NOS1AP: variants seen among roughly 807,000 people sequenced by gnomAD.
NOS1AP encodes the protein carboxyl-terminal PDZ ligand of neuronal nitric oxide synthase protein.
In NOS1AP, 21 loss-of-function variants were observed where a neutral mutation model predicts 56.2. That is an observed-to-expected ratio of 0.37 (90% CI 0.26 to 0.54). The LOEUF is 0.54. Among genes scored for constraint, NOS1AP ranks in the 20% least tolerant of loss-of-function variants. The pLI is 0.84. For missense variants in NOS1AP, 522 were observed against 657.8 expected, an observed-to-expected ratio of 0.79 and a Z score of 2.26; for synonymous variants, 270 against 274.6, an observed-to-expected ratio of 0.98 and a Z score of 0.17.
At chr1:162,218,750 G>C (rs1652666887) in intron 2 of NOS1AP, among the ~76,000 whole-genome samples, 1 of 152,002 alleles carries the variant, frequency 6.6e-6, no homozygotes, top group African/African-American at 2.4e-5. Context: ...GGAGTGTCCC[G>C]GGCACCCTGT....
chr1:162,220,765 C>T (rs1051814008), intron 2 of NOS1AP, among the ~76,000 whole-genome samples: 11 of 152,270 alleles, frequency 7.2e-5, no homozygotes, highest in African/African-American at 1.7e-4. Flanking sequence ...TGACATTTCA[C>T]GCACCAGCTT....
At chr1:162,335,287 G>A (rs186839276) in intron 5 of NOS1AP, among the ~76,000 whole-genome samples, 28 of 152,342 alleles carry the variant, frequency 1.8e-4, no homozygotes. Context: ...ATGCAGCTGA[G>A]GGGATTGTTT....
At chr1:162,286,985 C>A (rs1368295232) in intron 2 of NOS1AP, among the ~76,000 whole-genome samples, 6 of 152,126 alleles carry the variant, frequency 3.9e-5, no homozygotes, top group Non-Finnish European at 8.8e-5. Context: ...TTTCTGTAGC[C>A]TTTGATGAGA....
chr1:162,105,100 T>A (rs1276627802), intron 1 of NOS1AP, among the ~76,000 whole-genome samples: 1 of 152,178 alleles, frequency 6.6e-6, no homozygotes, highest in Non-Finnish European at 1.5e-5. Context: ...GGGGTCTTTT[T>A]TGTTGGTGGT....
chr1:162,248,451 C>A (rs578048273), intron 2 of NOS1AP, among the ~76,000 whole-genome samples: 1 of 152,254 alleles, frequency 6.6e-6, no homozygotes, highest in Admixed American at 6.5e-5. Flanking sequence ...CCATAATCTT[C>A]TCTCATTAGA....
intron 4 of NOS1AP, among the ~76,000 whole-genome samples, chr1:162,303,540 C>G (rs1012591817): frequency 2.6e-5 from 4 of 152,148 alleles, no homozygotes; most frequent in Non-Finnish European, 4.4e-5. Context: ...CTTCTGGGCT[C>G]GAGCAATTCC....
rs543228757 is a variant in NOS1AP, at chr1:162,069,764, C to T, written c.-414C>T. The T allele has an allele frequency of 5.6e-4, 87 of 155,272 alleles. No homozygotes were observed. The highest frequency in any genetic ancestry group is 5.7e-4 in the East Asian group (3 of 5,232). The allele number at this position is 155,272 out of a possible 1,614,324, so 9.6% of individuals were successfully genotyped here. On this transcript the variant is annotated 5_prime_UTR_variant, in exon 1 of 10. Transcript: ENST00000361897. ...CACCCTGCTCCGCCGCCACCGCCAC[C>T]GCCACCGCCACCGTCGCCTTTTCTT...
rs1692017583 is a variant in NOS1AP, at chr1:162,087,047, G to A, written c.105+16765G>A. On this transcript the variant is annotated intron_variant, in intron 1 of 9. Transcript: ENST00000361897. ...GTGTTATTTGTGTACCTAGCATAGG[G>A]CCCCAAAAGGTGGTTGAACTTTTGT... 3.3e-5 allele frequency among the ~76,000 whole-genome samples: 5 copies of A among 152,228 alleles called. No individual in the cohort carries two copies. In the South Asian group the frequency reaches 1.0e-3, roughly 32 times the overall value.
intron 1 of NOS1AP, among the ~76,000 whole-genome samples, chr1:162,092,020 G>A (rs368455988): frequency 3.9e-4 from 60 of 152,242 alleles, no homozygotes; most frequent in African/African-American, 1.3e-3. Context: ...CTGTTATTTT[G>A]CAGATGAGGG....
At chr1:162,176,557 G>A (rs981552406) in intron 2 of NOS1AP, among the ~76,000 whole-genome samples, 1 of 129,374 alleles carries the variant, frequency 7.7e-6, no homozygotes, top group Non-Finnish European at 1.6e-5. Context: ...TTGCCAGGCT[G>A]GAGTGCAGTG....
chr1:162,112,152 G>A (rs1217980568), intron 1 of NOS1AP, among the ~76,000 whole-genome samples: 4 of 152,150 alleles, frequency 2.6e-5, no homozygotes, highest in African/African-American at 9.7e-5. Flanking sequence ...CCATCTGTCT[G>A]TAATCACACT....
chr1:162,256,319 C>G (rs1361046093), intron 2 of NOS1AP, among the ~76,000 whole-genome samples: 1 of 152,180 alleles, frequency 6.6e-6, no homozygotes, highest in Non-Finnish European at 1.5e-5. Flanking sequence ...TTGAAAAACA[C>G]TCCTGCAATT....
In NOS1AP at chr1:162,081,774, A is replaced by ATATATATATTTTTTTTTTTTTT; in HGVS notation, c.105+11493_105+11494insATATATATTTTTTTTTTTTTTT. On this transcript the variant is annotated intron_variant, in intron 1 of 9. Coordinates refer to ENST00000361897, the MANE Select transcript of NOS1AP (RefSeq NM_014697.3). ...TCTATAGATATATATATATATATAT[A>ATATATATATTTTTTTTTTTTTT]TTTTTTTTTTGTAGAGATGGGTTTT... 5.2e-3 allele frequency among the ~76,000 whole-genome samples: 230 copies of ATATATATATTTTTTTTTTTTTT among 43,928 alleles called. 5 individuals are homozygous for ATATATATATTTTTTTTTTTTTT. Among genetic ancestry groups the ATATATATATTTTTTTTTTTTTT allele is most frequent in the Admixed American group, 0.016 (49 of 3,130 alleles). The allele number at this position is 43,928 out of a possible 152,430, so 28.8% of individuals were successfully genotyped here.
intron 4 of NOS1AP, among the ~76,000 whole-genome samples, chr1:162,322,453 A>G (rs1656452048): frequency 2.0e-5 from 3 of 152,220 alleles, no homozygotes; most frequent in South Asian, 2.1e-4. Context: ...GTCATGGCAC[A>G]TGGGACTCCT....
At chr1:162,198,576 G>T (rs1020123711) in intron 2 of NOS1AP, among the ~76,000 whole-genome samples, 2 of 152,210 alleles carry the variant, frequency 1.3e-5, no homozygotes, top group African/African-American at 4.8e-5. Flanking sequence ...GGCCTCAGGA[G>T]GACTACTTCT....
chr1:162,245,175 A>C (rs1327403984), intron 2 of NOS1AP, among the ~76,000 whole-genome samples: 1 of 152,212 alleles, frequency 6.6e-6, no homozygotes, highest in African/African-American at 2.4e-5. Flanking sequence ...AAGAACTTAA[A>C]AAAATTAATA....
chr1:162,088,619 G>A (rs1189991833), intron 1 of NOS1AP, among the ~76,000 whole-genome samples: 1 of 152,212 alleles, frequency 6.6e-6, no homozygotes, highest in African/African-American at 2.4e-5. Context: ...CTGCAGGTAG[G>A]AGGGTGGTGG....
chr1:162,305,235 T>C (rs905773898), intron 4 of NOS1AP, among the ~76,000 whole-genome samples: 1 of 152,086 alleles, frequency 6.6e-6, no homozygotes, highest in African/African-American at 2.4e-5. Flanking sequence ...CACCACTGTT[T>C]CCAAAACTTT....
rs1400742532 is a variant in NOS1AP at position 162,349,175 on chromosome 1, G to A, written c.595+5199G>A. 4.9e-4 allele frequency among the ~76,000 whole-genome samples: 73 copies of A among 150,440 alleles called. 1 individual carries two copies. Among genetic ancestry groups the A allele is most frequent in the East Asian group, 5.8e-4 (3 of 5,136 alleles). On this transcript the variant is annotated intron_variant, in intron 6 of 9. Coordinates refer to ENST00000361897, the MANE Select transcript of NOS1AP (RefSeq NM_014697.3). ...ACACTCCAGCCTGGGCAACAAGAGCGAAACTCCAACTCCAAAAAAGGGGAA... is the reference window on the plus strand; with the variant it reads ...ACACTCCAGCCTGGGCAACAAGAGCAAAACTCCAACTCCAAAAAAGGGGAA...
Sources: allele counts gnomAD v4.1 joint callset (sites outside exome capture counted in the v4.1 genomes callset), GRCh38; gene constraint gnomAD v4.1.1; transcripts MANE v1.5; gene names NCBI Gene and HGNC (gene_info 2026-07-23, HGNC 2026-07-21).